SELENBP1: variants seen among roughly 807,000 people sequenced by gnomAD.
The protein encoded by SELENBP1 is methanethiol oxidase.
A neutral mutation model predicts 61.0 loss-of-function variants in SELENBP1; 71 were observed. The observed-to-expected ratio is 1.16, with a 90% CI of 0.96 to 1.42. SELENBP1 has a LOEUF of 1.42. SELENBP1 is among the 40% of genes most tolerant of loss of function. The pLI is 0.00. For missense variants in SELENBP1, 561 were observed against 605.0 expected (o/e 0.93, Z 0.76); for synonymous variants, 270 against 238.9 (o/e 1.13, Z -1.20).
Position 151,366,730 on chromosome 1 carries a change from A to T in SELENBP1, c.656T>A (p.Val219Glu). 6.2e-7 allele frequency: 1 copy of T among 1,613,746 alleles called. No individual in the cohort carries two copies. Among genetic ancestry groups the T allele is most frequent in the Non-Finnish European group, 8.5e-7 (1 of 1,179,718 alleles). Residue 219 changes from valine to glutamate, a missense_variant, in exon 6 of 12, where the codon GTG (valine) becomes GAG (glutamate). Coordinates refer to ENST00000368868, the MANE Select transcript of SELENBP1 (RefSeq NM_003944.4). ...VLRDGFNPAD[V>E]EAGLYGSHLY... ...CATGGGGGGATTCTCACCAGCCTCC[A>T]CATCAGCGGGGTTGAAGCCATCTCG...
chr1:151,368,938 C>A, intron 4 of SELENBP1, 66 bp downstream of exon 4: 1 of 1,515,278 alleles, frequency 6.6e-7, no homozygotes, highest in Non-Finnish European at 9.0e-7. Context: ...TGGCTTCCTG[C>A]CCGTAGACTA....
In SELENBP1 at chr1:151,364,456, G is replaced by T; in HGVS notation, c.*87C>A. 6.5e-7 allele frequency: 1 copy of T among 1,528,178 alleles called. No homozygotes were observed. Among genetic ancestry groups the T allele is most frequent in the Non-Finnish European group, 9.0e-7 (1 of 1,107,270 alleles). 94.7% of individuals were successfully genotyped at this position (1,528,178 alleles called of 1,614,324 possible). ...GGCTGTGTGGTACATGCTGCCAAGG[G>T]TCGGGTGCCAAGAGAGAGCAGAATG... On this transcript the variant is annotated 3_prime_UTR_variant, in exon 12 of 12. Transcript: ENST00000368868.
intron 4 of SELENBP1, 131 bp from the exon 5 acceptor site, chr1:151,368,450 T>G: frequency 7.9e-7 from 1 of 1,270,898 alleles, no homozygotes; most frequent in Middle Eastern, 1.9e-4. Flanking sequence ...CAACTCTCCC[T>G]GTGGGAATAT....
intron 1 of SELENBP1, chr1:151,370,167 T>C: frequency 2.0e-6 from 1 of 489,562 alleles, no homozygotes; most frequent in Non-Finnish European, 3.7e-6. Flanking sequence ...CTCTGTAAAA[T>C]GGAGATGGTA....
rs765522399 is a variant in SELENBP1 at position 151,366,763 on chromosome 1, T to C, written c.623A>G (p.Asn208Ser). 1.2e-5 allele frequency: 19 copies of C among 1,614,046 alleles called. No homozygotes were observed. The highest frequency in any genetic ancestry group is 6.7e-5 in the East Asian group (3 of 44,866). ...VMISTEWAAP[N>S]VLRDGFNPAD... Reference sequence around the variant, plus strand: ...GGGGTTGAAGCCATCTCGTAAGACATTGGGAGCTGCCCACTCAGTGCTGAT... The same window carrying C: ...GGGGTTGAAGCCATCTCGTAAGACACTGGGAGCTGCCCACTCAGTGCTGAT... Residue 208 changes from asparagine to serine, a missense_variant, in exon 6 of 12, where the codon AAT becomes AGT. Coordinates refer to ENST00000368868, the MANE Select transcript of SELENBP1 (RefSeq NM_003944.4).
Position 151,365,589 on chromosome 1 carries a change from GGTCAGAGAT to G in SELENBP1, c.1009_1017del (p.Ile337_Asp339del), listed in dbSNP as rs1329420815. The stretch of plus-strand genomic sequence containing the variant: ...TGTCCTGTGAGGCGGGGTCTCTGTG[GGTCAGAGAT>G]GTCATACTGCCTCAGGTCCCCATGC... On this transcript the variant is annotated inframe_deletion, in exon 9 of 12. Transcript: ENST00000368868. The G allele has an allele frequency of 6.2e-7, 1 of 1,614,136 alleles. No individual in the cohort carries two copies. The highest frequency in any genetic ancestry group is 1.7e-5 in the Admixed American group (1 of 60,024).
intron 1 of SELENBP1, among the ~76,000 whole-genome samples, chr1:151,371,763 C>T (rs1167775365): frequency 2.6e-5 from 4 of 152,174 alleles, no homozygotes; most frequent in Admixed American, 6.5e-5. Context: ...TCTGCAGCCT[C>T]GGCCCACCCC....
At position 151,369,117 on chromosome 1, in the gene SELENBP1, A is replaced by C; in HGVS notation, c.247T>G (p.Cys83Gly). 3 of 1,614,058 alleles carry C rather than the reference A, an allele frequency of 1.9e-6. No homozygotes were observed. Among genetic ancestry groups the C allele is most frequent in the East Asian group, 2.2e-5 (1 of 44,880 alleles). ...HHSGWNTCSS[C>G]FGDSTKSRTK... is the part of the protein sequence containing the mutation. ...CGCGACTTGGTGCTATCACCGAAGC[A>C]GCTGCTGCAGGTGTTCCATCCTGAG... Residue 83 changes from cysteine to glycine, a missense_variant, in exon 4 of 12, where the codon TGC becomes GGC. Cys to Gly is a radical substitution (Grantham distance 159). Coordinates refer to ENST00000368868, the MANE Select transcript of SELENBP1 (RefSeq NM_003944.4).
At chr1:151,372,551 A>G in intron 1 of SELENBP1, 87 bp downstream of exon 1, 1 of 1,563,806 alleles carries the variant, frequency 6.4e-7, no homozygotes, top group Non-Finnish European at 8.8e-7. Context: ...CTCCCCACTC[A>G]GGTTTTCTAG....
At position 151,369,252 on chromosome 1, in the gene SELENBP1, G is replaced by GT. The variant is rs1553205713; in HGVS notation, c.175-64_175-63insA. On this transcript the variant is annotated intron_variant, in intron 3 of 11. Transcript: ENST00000368868. ...GCCTCTGTCCACTTTTGGAAGAGGCGCCCTGTGGACTCATTTTGGTTTGGA... is the reference window on the plus strand; with the variant it reads ...GCCTCTGTCCACTTTTGGAAGAGGCGTCCCTGTGGACTCATTTTGGTTTGGA... 4 of 1,564,960 alleles carry GT rather than the reference G, an allele frequency of 2.6e-6. No individual in the cohort carries two copies. In the African/African-American group the frequency reaches 5.4e-5, roughly 21 times the overall value.
chr1:151,364,581 A>G lies in SELENBP1; in HGVS notation c.1381T>C (p.Tyr461His), dbSNP rs370556959. The change falls in exon 12 of 12, where the codon TAC becomes CAC. Residue 461 changes from tyrosine (Y) to histidine (H), a missense_variant. Coordinates refer to ENST00000368868, the MANE Select transcript of SELENBP1 (RefSeq NM_003944.4). The part of the protein sequence containing the change: ...LGPALAHELR[Y>H]PGGDCSSDIW... The stretch of plus-strand genomic sequence containing the variant: ...TCAGAGCTACAATCGCCCCCAGGGT[A>G]GCGGAGCTCATGGGCAAGGGCTGGG... The G allele has an allele frequency of 3.7e-6, 6 of 1,614,150 alleles. No homozygotes were observed. The African/African-American group carries it at 8.0e-5, about 22-fold the overall frequency.
In SELENBP1 at chr1:151,366,190, G is replaced by T. The variant is rs577765128; in HGVS notation, c.843+85C>A. The T allele has an allele frequency of 3.3e-6, 5 of 1,499,188 alleles. No homozygotes were observed. The Admixed American group carries it at 8.2e-5, about 24-fold the overall frequency. The allele number at this position is 1,499,188 out of a possible 1,614,324, so 92.9% of individuals were successfully genotyped here. A position where few individuals can be genotyped will look rare whatever the true frequency, so the allele number is the denominator to read the frequency against. Reference sequence around the variant, plus strand: ...CCTCATTTTTTTCGTTCCTGGAGACGCCTGGGAGCACCGTTACAGAAGCCT... The same window carrying T: ...CCTCATTTTTTTCGTTCCTGGAGACTCCTGGGAGCACCGTTACAGAAGCCT... On this transcript the variant is annotated intron_variant, in intron 7 of 11. Transcript: ENST00000368868.
chr1:151,366,969 C>T (rs1316020341), intron 5 of SELENBP1, 65 bp from the exon 6 acceptor site: 1 of 1,571,668 alleles, frequency 6.4e-7, no homozygotes, highest in Non-Finnish European at 8.6e-7. Context: ...ACCCTCCAGC[C>T]CTCTCCCCGA....
intron 5 of SELENBP1, chr1:151,367,163 T>G: frequency 1.5e-6 from 1 of 675,010 alleles, no homozygotes. Context: ...GCCAACATGG[T>G]GAAACTCTGT....
Position 151,368,989 on chromosome 1 carries a change from G to A in SELENBP1, c.360+15C>T, listed in dbSNP as rs1232832253. ...GTCTTATGGTCTACTGAGCTGGCAA[G>A]GGCAGAGGACATGCCTTGTGCAGCT... On this transcript the variant is annotated intron_variant, in intron 4 of 11. Coordinates refer to ENST00000368868, the MANE Select transcript of SELENBP1 (RefSeq NM_003944.4). 6.3e-7 allele frequency: 1 copy of A among 1,599,864 alleles called. No homozygotes were observed.
chr1:151,371,150 G>A (rs1652120393), intron 1 of SELENBP1, among the ~76,000 whole-genome samples: 1 of 152,158 alleles, frequency 6.6e-6, no homozygotes, highest in Non-Finnish European at 1.5e-5. Flanking sequence ...TTGGGAGGCT[G>A]AGGCGGAAAG....
rs1180847682 is a variant in SELENBP1, at chr1:151,368,228, G to T, written c.452C>A (p.Ser151Tyr). Residue 151 changes from serine to tyrosine, a missense_variant, in exon 5 of 12, where the codon TCC (serine) becomes TAC (tyrosine). Coordinates refer to ENST00000368868, the MANE Select transcript of SELENBP1 (RefSeq NM_003944.4). The part of the protein sequence containing the change: ...CLASGEVMIS[S>Y]LGDVKGNGKG... ...GCCATTGCCCTTGACGTCTCCCAGG[G>T]AGCTGATCATCACTTCCCCGCTGGC... 3 of 1,614,144 alleles carry T rather than the reference G, an allele frequency of 1.9e-6. No homozygotes were observed. The highest frequency in any genetic ancestry group is 1.7e-6 in the Non-Finnish European group (2 of 1,180,028).
chr1:151,369,102 T>C lies in SELENBP1; in HGVS notation c.262A>G (p.Thr88Ala), dbSNP rs746143811. ...NTCSSCFGDS[T>A]KSRTKLVLPS... is the part of the protein sequence containing the mutation. ...AGCACCAGCTTGGTGCGCGACTTGG[T>C]GCTATCACCGAAGCAGCTGCTGCAG... The change falls in exon 4 of 12, where the codon ACC becomes GCC. Residue 88 changes from threonine to alanine, a missense_variant. Transcript: ENST00000368868. The C allele has an allele frequency of 6.2e-6, 10 of 1,613,970 alleles. No homozygotes were observed. Among genetic ancestry groups the C allele is most frequent in the South Asian group, 1.1e-5 (1 of 91,092 alleles).
chr1:151,372,469 T>C (rs1652185340), intron 1 of SELENBP1, among the ~76,000 whole-genome samples, 169 bp downstream of exon 1: 1 of 148,082 alleles, frequency 6.8e-6, no homozygotes, highest in Non-Finnish European at 1.5e-5. Context: ...AGCTGGGAAA[T>C]GCAGTGGGGT....
Sources: allele counts gnomAD v4.1 joint callset (sites outside exome capture counted in the v4.1 genomes callset), GRCh38; gene constraint gnomAD v4.1.1; transcripts MANE v1.5; gene names NCBI Gene and HGNC (gene_info 2026-07-23, HGNC 2026-07-21).